ZNF207: variants seen among roughly 807,000 people sequenced by gnomAD.
ZNF207 encodes zinc finger protein 207.
A neutral mutation model predicts 60.2 loss-of-function variants in ZNF207; 24 were observed. That is an observed-to-expected ratio of 0.40 (90% CI 0.29 to 0.56). The LOEUF (loss-of-function observed/expected upper bound fraction) is 0.56, where lower values mean the gene tolerates loss of function less well. ZNF207 is among the 20% of genes least tolerant of loss of function. The probability of loss-of-function intolerance (pLI) is 0.49; values close to 1 mark genes in which losing one functional copy is unlikely to be tolerated. For missense variants in ZNF207, 452 were observed against 636.6 expected, an observed-to-expected ratio of 0.71 and a Z score of 3.12; for synonymous variants, 236 against 194.7, an observed-to-expected ratio of 1.21 and a Z score of -1.77.
rs764842158 is a variant in ZNF207, at chr17:32,367,962, C to T, written c.1112C>T (p.Thr371Ile). The T allele has an allele frequency of 1.2e-6, 2 of 1,614,082 alleles. No homozygotes were observed. The highest frequency in any genetic ancestry group is 2.2e-5 in the East Asian group (1 of 44,888). ...ATAACAAGTAAGCCTGCTACACTTACAACAACTAGTGCAACCAGTAAGTTG... is the reference window on the plus strand; with the variant it reads ...ATAACAAGTAAGCCTGCTACACTTATAACAACTAGTGCAACCAGTAAGTTG... ...ASITSKPATL[T>I]TTSATSKLIH... Residue 371 changes from threonine (T) to isoleucine (I), a missense_variant, in exon 10 of 12, where the codon ACA becomes ATA. Physicochemically the swap from Thr to Ile is moderately conservative, Grantham distance 89. Coordinates refer to ENST00000394670, the MANE Select transcript of ZNF207 (RefSeq NM_001098507.2).
In ZNF207 at chr17:32,360,635, A is replaced by AT. The variant is rs1904822241; in HGVS notation, c.346dup (p.Tyr116LeufsTer2). On this transcript the variant is annotated frameshift_variant, in exon 4 of 12. Transcript: ENST00000394670. LOFTEE classifies it high-confidence loss of function. Reference sequence around the variant, plus strand: ...AGAAGCAACAAGATGATTCTGATGAATATGATGATGACGACTCTGCAGCCT... The same window carrying AT: ...AGAAGCAACAAGATGATTCTGATGAATTATGATGATGACGACTCTGCAGCCT... 6.2e-7 allele frequency: 1 copy of AT among 1,613,346 alleles called. No homozygotes were observed. The highest frequency in any genetic ancestry group is 1.3e-5 in the African/African-American group (1 of 74,880).
intron 10 of ZNF207, 59 bp downstream of exon 10, chr17:32,368,073 G>T: frequency 6.3e-7 from 1 of 1,594,874 alleles, no homozygotes; most frequent in South Asian, 1.1e-5. Flanking sequence ...ATAGCAGTTC[G>T]TCCCTTTAAA....
intron 3 of ZNF207, among the ~76,000 whole-genome samples, 160 bp from the exon 4 acceptor site, chr17:32,360,438 G>A (rs1054764707): frequency 2.0e-5 from 3 of 152,190 alleles, no homozygotes; most frequent in African/African-American, 4.8e-5. Context: ...AATATAGGGC[G>A]AAAACACATT....
In ZNF207 at chr17:32,373,185, C is replaced by T; in HGVS notation, c.*3426C>T. ...CTAAGTTACATTTTGAACTTAGACT[C>T]ACCTTAATTAAACTTAATTAATTGG... On this transcript the variant is annotated 3_prime_UTR_variant, in exon 12 of 12. Coordinates refer to ENST00000394670, the MANE Select transcript of ZNF207 (RefSeq NM_001098507.2). The T allele has an allele frequency of 2.4e-6, 1 of 425,116 alleles. No individual in the cohort carries two copies. Among genetic ancestry groups the T allele is most frequent in the African/African-American group, 2.1e-5 (1 of 47,674 alleles). 26.3% of individuals were successfully genotyped at this position (425,116 alleles called of 1,614,324 possible).
At position 32,357,881 on chromosome 17, in the gene ZNF207, G is replaced by C. The variant is rs573456444; in HGVS notation, c.169-622G>C. 1.9e-4 allele frequency among the ~76,000 whole-genome samples: 29 copies of C among 151,922 alleles called. 1 individual carries two copies. The South Asian group carries it at 6.0e-3, about 32-fold the overall frequency. On this transcript the variant is annotated intron_variant, in intron 2 of 11. Coordinates refer to ENST00000394670, the MANE Select transcript of ZNF207 (RefSeq NM_001098507.2). ...GTGGTGTGACCTCTGCTCACTTCAA[G>C]TGATTCTGCCTCCTCAGCCTCCCCA... is the stretch of plus-strand genomic sequence containing the variant.
chr17:32,359,767 G>A (rs1316949817), intron 3 of ZNF207, among the ~76,000 whole-genome samples: 5 of 152,024 alleles, frequency 3.3e-5, no homozygotes, highest in South Asian at 2.1e-4. Context: ...AAAATTAGCC[G>A]GGTGTGGTGG....
rs1164639526 is a variant in ZNF207, at chr17:32,379,775, A to G, written c.*10016A>G. 1 of 152,202 alleles carries G rather than the reference A, an allele frequency of 6.6e-6. No individual in the cohort carries two copies. The highest frequency in any genetic ancestry group is 1.5e-5 in the Non-Finnish European group (1 of 68,020). 9.4% of individuals were successfully genotyped at this position (152,202 alleles called of 1,614,324 possible). On this transcript the variant is annotated 3_prime_UTR_variant, in exon 12 of 12. Transcript: ENST00000394670. ...ACCCTGCATGAAAAATTGGAGTTAG[A>G]AATACTGATTTCTGAGACCACGTAT... is the stretch of plus-strand genomic sequence containing the variant.
chr17:32,360,876 A>G lies in ZNF207; in HGVS notation c.476-16A>G. On this transcript the variant is annotated splice_polypyrimidine_tract_variant and intron_variant, in intron 4 of 11. Coordinates refer to ENST00000394670, the MANE Select transcript of ZNF207 (RefSeq NM_001098507.2). The stretch of plus-strand genomic sequence containing the variant: ...TTAATATTTGTTATTATTTTGATTG[A>G]AATTCTTGCTTGTAGGCATACCTCC... 1.2e-6 allele frequency: 2 copies of G among 1,613,966 alleles called. No individual in the cohort carries two copies. The highest frequency in any genetic ancestry group is 8.5e-7 in the Non-Finnish European group (1 of 1,179,938).
rs1399200353 is a variant in ZNF207 at position 32,367,955 on chromosome 17, A to G, written c.1105A>G (p.Thr369Ala). The G allele has an allele frequency of 6.2e-7, 1 of 1,614,220 alleles. No homozygotes were observed. Among genetic ancestry groups the G allele is most frequent in the Admixed American group, 1.7e-5 (1 of 60,032 alleles). ...GGCTTCAATAACAAGTAAGCCTGCT[A>G]CACTTACAACAACTAGTGCAACCAG... The part of the protein sequence containing the change: ...PAASITSKPA[T>A]LTTTSATSKL... The change falls in exon 10 of 12, where the codon ACA becomes GCA. Residue 369 changes from threonine (T) to alanine (A), a missense_variant. By Grantham distance (58) the Thr-to-Ala change is moderately conservative. Around this residue, in one of 2 missense-constraint regions of ZNF207, gnomAD observed 390 missense variants for 461.4 expected, o/e 0.85. Transcript: ENST00000394670.
chr17:32,358,936 A>C (rs112758024), intron 3 of ZNF207, among the ~76,000 whole-genome samples: 1,857 of 152,038 alleles, frequency 0.012, 29 homozygotes, highest in African/African-American at 0.043. Flanking sequence ...AGTAGCTGGC[A>C]CTACAGGCAT....
At chr17:32,360,543 G>C in intron 3 of ZNF207, 55 bp from the exon 4 acceptor site, 1 of 1,490,516 alleles carries the variant, frequency 6.7e-7, no homozygotes, top group Non-Finnish European at 9.0e-7. Flanking sequence ...ATTGAATGTT[G>C]TAAATAAACT....
Position 32,381,737 on chromosome 17 carries a change from T to C in ZNF207, c.*11978T>C, listed in dbSNP as rs934613988. ...ATATCTGAAGCCTGAAGTTATTTTT[T>C]AGTTTGTTTTCATCTAAAAGTGGAA... On this transcript the variant is annotated 3_prime_UTR_variant, in exon 12 of 12. Coordinates refer to ENST00000394670, the MANE Select transcript of ZNF207 (RefSeq NM_001098507.2). 6 of 152,232 alleles carry C rather than the reference T, an allele frequency of 3.9e-5. No individual in the cohort carries two copies. The highest frequency in any genetic ancestry group is 7.3e-5 in the Non-Finnish European group (5 of 68,040). 9.4% of individuals were successfully genotyped at this position (152,232 alleles called of 1,614,324 possible).
rs2150809660 is a variant in ZNF207 at position 32,380,949 on chromosome 17, T to TCC, written c.*11191_*11192dup. The TCC allele has an allele frequency of 6.6e-6, 1 of 151,316 alleles. No individual in the cohort carries two copies. The highest frequency in any genetic ancestry group is 2.1e-4 in the South Asian group (1 of 4,776). The allele number at this position is 151,316 out of a possible 1,614,324, so 9.4% of individuals were successfully genotyped here. On this transcript the variant is annotated 3_prime_UTR_variant, in exon 12 of 12. Transcript: ENST00000394670. ...TCCAGCTTGGGTGACAGAGCGAGAC[T>TCC]CCGTCTCAAAAAAAAAAAGAAAAAA...
chr17:32,350,170 TGTCTGCTTCCTGTGGGACGTGGTG>T lies in ZNF207; in HGVS notation c.-113_-90del, dbSNP rs1237663239. Reference sequence around the variant, plus strand: ...GGGAACGAGGCCGTCGGCCATTTTGTGTCTGCTTCCTGTGGGACGTGGTGGTAGCCGTTGGGTTGGGAAAGTGAG... The same window carrying T: ...GGGAACGAGGCCGTCGGCCATTTTGTGTAGCCGTTGGGTTGGGAAAGTGAG... On this transcript the variant is annotated 5_prime_UTR_variant, in exon 1 of 12. Transcript: ENST00000394670. 5.2e-6 allele frequency: 8 copies of T among 1,526,902 alleles called. No individual in the cohort carries two copies. The Admixed American group carries it at 1.4e-4, about 26-fold the overall frequency. 94.6% of individuals were successfully genotyped at this position (1,526,902 alleles called of 1,614,324 possible). A position where few individuals can be genotyped will look rare whatever the true frequency, so the allele number is the denominator to read the frequency against.
rs1216826080 is a variant in ZNF207, at chr17:32,372,690, A to G, written c.*2931A>G. ...TTTTGCATGCATCCAAACGTAATTA[A>G]GCTTCTAGAAAATACCTTTTTTCTA... On this transcript the variant is annotated 3_prime_UTR_variant, in exon 12 of 12. Transcript: ENST00000394670. The G allele has an allele frequency of 1.3e-5, 2 of 152,208 alleles. No individual in the cohort carries two copies. The highest frequency in any genetic ancestry group is 4.8e-5 in the African/African-American group (2 of 41,454). The allele number at this position is 152,208 out of a possible 1,614,324, so 9.4% of individuals were successfully genotyped here.
At chr17:32,361,414 CA>C in intron 5 of ZNF207, 53 bp from the exon 6 acceptor site, 1 of 1,483,408 alleles carries the variant, frequency 6.7e-7, no homozygotes, top group Non-Finnish European at 9.3e-7. Flanking sequence ...TACACTTTCC[CA>C]CTGTATTTTG....
rs1905375012 is a variant in ZNF207, at chr17:32,369,640, C to T, written c.1366C>T (p.Pro456Ser). Residue 456 changes from proline to serine, a missense_variant, in exon 12 of 12, where the codon CCT becomes TCT. Physicochemically the swap from Pro to Ser is moderately conservative, Grantham distance 74. Transcript: ENST00000394670. ...TCATCAAGGCATGCCAGGATACCTT[C>T]CTGGTGCTATGCCCCCGTATGGGCA... ...GHHQGMPGYL[P>S]GAMPPYGQGP... 3 of 1,582,380 alleles carry T rather than the reference C, an allele frequency of 1.9e-6. No individual in the cohort carries two copies. Among genetic ancestry groups the T allele is most frequent in the African/African-American group, 2.7e-5 (2 of 73,806 alleles).
chr17:32,380,152 G>GA lies in ZNF207; in HGVS notation c.*10395dup, dbSNP rs375852702. ...ATTTAAAGTGAAGTAAATTTCTAAGGAACTGTGTCCTTTCCTAGCAGGAAT... is the reference window on the plus strand; with the variant it reads ...ATTTAAAGTGAAGTAAATTTCTAAGGAAACTGTGTCCTTTCCTAGCAGGAAT... On this transcript the variant is annotated 3_prime_UTR_variant, in exon 12 of 12. Coordinates refer to ENST00000394670, the MANE Select transcript of ZNF207 (RefSeq NM_001098507.2). 2.0e-5 allele frequency: 3 copies of GA among 152,582 alleles called. No individual in the cohort carries two copies. Among genetic ancestry groups the GA allele is most frequent in the African/African-American group, 7.2e-5 (3 of 41,428 alleles). The allele number at this position is 152,582 out of a possible 1,614,324, so 9.5% of individuals were successfully genotyped here.
intron 10 of ZNF207, 152 bp from the exon 11 acceptor site, chr17:32,369,143 G>T: frequency 1.4e-6 from 1 of 724,818 alleles, no homozygotes; most frequent in Non-Finnish European, 2.2e-6. Flanking sequence ...TTAAGTAGTT[G>T]GATTGGTTTG....
Sources: allele counts gnomAD v4.1 joint callset (sites outside exome capture counted in the v4.1 genomes callset), GRCh38; gene constraint gnomAD v4.1.1; regional missense constraint gnomAD v4.1.1; transcripts MANE v1.5; gene names NCBI Gene and HGNC (gene_info 2026-07-23, HGNC 2026-07-21).